FBXL7: variants seen among roughly 807,000 people sequenced by gnomAD.
FBXL7 encodes the protein F-box and leucine rich repeat protein 7, also known as F-box/LRR-repeat protein 7.
A neutral mutation model predicts 38.3 loss-of-function variants in FBXL7; 12 were observed. The observed-to-expected ratio is 0.31, with a 90% CI of 0.20 to 0.51. FBXL7 has a LOEUF of 0.51. Ranked by LOEUF, FBXL7 falls within the 20% of genes least tolerant of loss-of-function variation. The pLI is 0.98. For missense variants in FBXL7, 567 were observed against 676.4 expected, an observed-to-expected ratio of 0.84 and a Z score of 1.79; for synonymous variants, 297 against 300.9, an observed-to-expected ratio of 0.99 and a Z score of 0.13.
chr5:15,916,444 G>A (rs913555755), intron 2 of FBXL7, among the ~76,000 whole-genome samples: 1 of 152,088 alleles, frequency 6.6e-6, no homozygotes, highest in Admixed American at 6.6e-5. Context: ...AAGCCTTGTG[G>A]GCCGTGAGCC....
intron 2 of FBXL7, among the ~76,000 whole-genome samples, chr5:15,882,775 A>T (rs991461074): frequency 5.3e-5 from 8 of 152,140 alleles, no homozygotes; most frequent in African/African-American, 1.9e-4. Flanking sequence ...CTAAGATTAA[A>T]CTGAGGTCTA....
At position 15,500,639 on chromosome 5, in the gene FBXL7, G is replaced by A. The variant is rs532334478; in HGVS notation, c.-38G>A. 2 of 1,613,412 alleles carry A rather than the reference G, an allele frequency of 1.2e-6. No individual in the cohort carries two copies. Among genetic ancestry groups the A allele is most frequent in the East Asian group, 4.5e-5 (2 of 44,798 alleles). On this transcript the variant is annotated 5_prime_UTR_variant, in exon 1 of 4. The change abolishes an upstream ATG in the 5' untranslated region. Coordinates refer to ENST00000504595, the MANE Select transcript of FBXL7 (RefSeq NM_012304.5). The stretch of plus-strand genomic sequence containing the variant: ...CGCGCAGGACGTGCGCCGCAGCTAT[G>A]GAGTGTCCCGGGAGACGGCGGGCAT...
At chr5:15,503,990 G>A (rs1736573217) in intron 1 of FBXL7, among the ~76,000 whole-genome samples, 1 of 152,248 alleles carries the variant, frequency 6.6e-6, no homozygotes, top group African/African-American at 2.4e-5. Context: ...CTTAGCAGAT[G>A]TAATGGGCAG....
chr5:15,913,738 C>T (rs549660149), intron 2 of FBXL7, among the ~76,000 whole-genome samples: 3 of 152,160 alleles, frequency 2.0e-5, no homozygotes, highest in South Asian at 2.1e-4. Context: ...TTGAAAATTA[C>T]GGATTGCAAG....
intron 2 of FBXL7, among the ~76,000 whole-genome samples, chr5:15,706,345 T>C (rs1743679971): frequency 6.6e-6 from 1 of 152,108 alleles, no homozygotes; most frequent in Admixed American, 6.5e-5. Flanking sequence ...TGATGTGCCT[T>C]CTCCCCCTTT....
At chr5:15,880,705 T>C (rs2126329659) in intron 2 of FBXL7, among the ~76,000 whole-genome samples, 1 of 115,860 alleles carries the variant, frequency 8.6e-6, no homozygotes, top group Admixed American at 1.1e-4. Flanking sequence ...TTAGTATATA[T>C]AATATATATA....
chr5:15,888,146 G>T (rs1427367013), intron 2 of FBXL7, among the ~76,000 whole-genome samples: 1 of 152,060 alleles, frequency 6.6e-6, no homozygotes, highest in Non-Finnish European at 1.5e-5. Flanking sequence ...AATCAATTTT[G>T]CCCTCCAAAT....
chr5:15,752,812 C>T (rs1736188410), intron 2 of FBXL7, among the ~76,000 whole-genome samples: 1 of 152,288 alleles, frequency 6.6e-6, no homozygotes, highest in East Asian at 1.9e-4. Flanking sequence ...ACAGTCACAT[C>T]TTAAATTCGT....
chr5:15,748,002 C>G (rs1736058296), intron 2 of FBXL7, among the ~76,000 whole-genome samples: 1 of 152,138 alleles, frequency 6.6e-6, no homozygotes, highest in African/African-American at 2.4e-5. Context: ...GCAGCTTTAC[C>G]TATTCCAGTG....
At chr5:15,502,890 A>C (rs1022875987) in intron 1 of FBXL7, among the ~76,000 whole-genome samples, 7 of 152,236 alleles carry the variant, frequency 4.6e-5, no homozygotes, top group Non-Finnish European at 1.5e-5. Context: ...TTTATTATCA[A>C]AGCTGACTGA....
intron 1 of FBXL7, among the ~76,000 whole-genome samples, chr5:15,569,814 T>C (rs1738709675): frequency 6.6e-6 from 1 of 152,266 alleles, no homozygotes; most frequent in African/African-American, 2.4e-5. Context: ...TGTTGAATTT[T>C]TTCAAAGGCC....
chr5:15,650,985 T>C (rs1485175997), intron 2 of FBXL7, among the ~76,000 whole-genome samples: 1 of 152,232 alleles, frequency 6.6e-6, no homozygotes, highest in Non-Finnish European at 1.5e-5. Flanking sequence ...AGTCATGTTC[T>C]TAATGGCATC....
chr5:15,724,171 T>C (rs1406889716), intron 2 of FBXL7, among the ~76,000 whole-genome samples: 4 of 152,236 alleles, frequency 2.6e-5, no homozygotes, highest in Admixed American at 6.5e-5. Flanking sequence ...GATTTTGCTA[T>C]GTATTAATAT....
intron 1 of FBXL7, among the ~76,000 whole-genome samples, chr5:15,574,426 A>G (rs997592453): frequency 1.3e-5 from 2 of 152,234 alleles, no homozygotes; most frequent in African/African-American, 2.4e-5. Context: ...ATCCTAGCAG[A>G]CTTTGGATAT....
intron 2 of FBXL7, among the ~76,000 whole-genome samples, chr5:15,643,953 G>A (rs1054557886): frequency 6.6e-6 from 1 of 152,080 alleles, no homozygotes. Context: ...CAAGATAAAT[G>A]ATTTTTGAAT....
At chr5:15,576,972 A>AT (rs34055918) in intron 1 of FBXL7, among the ~76,000 whole-genome samples, 63 of 152,318 alleles carry the variant, frequency 4.1e-4, no homozygotes, top group African/African-American at 1.4e-3. Flanking sequence ...AAAGATTAAA[A>AT]TTTTTTTAAA....
At chr5:15,723,349 A>G (rs11748733) in intron 2 of FBXL7, among the ~76,000 whole-genome samples, 2 of 152,226 alleles carry the variant, frequency 1.3e-5, no homozygotes, top group African/African-American at 2.4e-5. Flanking sequence ...TTTTGAAGCT[A>G]TAGACATGAT....
chr5:15,812,853 G>T (rs1385563156), intron 2 of FBXL7, among the ~76,000 whole-genome samples: 1 of 152,114 alleles, frequency 6.6e-6, no homozygotes, highest in African/African-American at 2.4e-5. Context: ...TCACATCCTT[G>T]TAAGTTGTAT....
intron 1 of FBXL7, among the ~76,000 whole-genome samples, chr5:15,561,192 C>T (rs1738406210): frequency 6.6e-6 from 1 of 152,126 alleles, no homozygotes; most frequent in African/African-American, 2.4e-5. Flanking sequence ...TCTGCTATAA[C>T]TGCATCTTTG....
Sources: allele counts gnomAD v4.1 joint callset (sites outside exome capture counted in the v4.1 genomes callset), GRCh38; gene constraint gnomAD v4.1.1; transcripts MANE v1.5; gene names NCBI Gene and HGNC (gene_info 2026-07-23, HGNC 2026-07-21).